RCBTB2: variants seen among roughly 807,000 people sequenced by gnomAD.
RCBTB2 encodes RCC1 and BTB domain containing protein 2.
In RCBTB2, 55 loss-of-function variants were observed where a neutral mutation model predicts 65.4. The ratio of observed to expected loss-of-function variants is 0.84; its 90% CI spans 0.68 to 1.05. The LOEUF is 1.05. RCBTB2 is among the 50% of genes least tolerant of loss of function. The probability of loss-of-function intolerance (pLI) is 0.00; values close to 1 mark genes in which losing one functional copy is unlikely to be tolerated. For missense variants in RCBTB2, 599 were observed against 680.1 expected, an observed-to-expected ratio of 0.88 and a Z score of 1.33; for synonymous variants, 220 against 255.2, an observed-to-expected ratio of 0.86 and a Z score of 1.31.
intron 4 of RCBTB2, 81 bp from the exon 5 acceptor site, chr13:48,515,822 G>T: frequency 1.5e-6 from 2 of 1,378,288 alleles, no homozygotes; most frequent in Non-Finnish European, 2.0e-6. Flanking sequence ...AGAAGAGGGC[G>T]AACACTGGTT....
intron 6 of RCBTB2, 34 bp from the exon 7 acceptor site, chr13:48,512,929 C>T (rs1950886529): frequency 4.5e-6 from 7 of 1,564,942 alleles, no homozygotes; most frequent in Non-Finnish European, 6.1e-6. Flanking sequence ...CAGTTTTTTA[C>T]AACATCTACT....
At chr13:48,494,618 T>C (rs1949891430) in intron 14 of RCBTB2, among the ~76,000 whole-genome samples, 1 of 152,016 alleles carries the variant, frequency 6.6e-6, no homozygotes, top group African/African-American at 2.4e-5. Context: ...TTCACATAAA[T>C]AGAGAATATA....
intron 1 of RCBTB2, among the ~76,000 whole-genome samples, chr13:48,529,689 C>G (rs1245666567): frequency 6.6e-6 from 1 of 152,184 alleles, no homozygotes; most frequent in Non-Finnish European, 1.5e-5. Context: ...ACAATGAAAG[C>G]TGGAAGTATC....
At chr13:48,517,145 TAGTA>T (rs1262254156) in intron 4 of RCBTB2, among the ~76,000 whole-genome samples, 1 of 152,170 alleles carries the variant, frequency 6.6e-6, no homozygotes, top group Non-Finnish European at 1.5e-5. Context: ...ACTATTAACT[TAGTA>T]AGCCTCCCCT....
At chr13:48,524,789 T>C (rs1029216616) in intron 1 of RCBTB2, 32 bp from the exon 2 acceptor site, 7 of 152,090 alleles carry the variant, frequency 4.6e-5, no homozygotes, top group African/African-American at 1.4e-4. Flanking sequence ...TAAATTCTAT[T>C]AGAGAAAAAC....
At chr13:48,493,315 A>ACACACACTCTCTCTCTCT (rs759504798) in intron 14 of RCBTB2, among the ~76,000 whole-genome samples, 1 of 75,028 alleles carries the variant, frequency 1.3e-5, no homozygotes, top group Non-Finnish European at 2.5e-5. Flanking sequence ...ACACACACAC[A>ACACACACTCTCTCTCTCT]CTCTCTCTCT....
At chr13:48,534,459 A>G (rs759199192), upstream of RCBTB2, among the ~76,000 whole-genome samples, 3 of 152,214 alleles carry the variant, frequency 2.0e-5, no homozygotes, top group Admixed American at 2.0e-4. Flanking sequence ...AGTTTCTTTC[A>G]TCAGCAACCA....
chr13:48,502,001 A>G (rs1236017799), intron 11 of RCBTB2, 133 bp from the exon 12 acceptor site: 3 of 610,350 alleles, frequency 4.9e-6, no homozygotes, highest in African/African-American at 1.9e-5. Context: ...TGAGCAATGG[A>G]TTTTTTCCCC....
At chr13:48,494,552 C>A (rs998603592) in intron 14 of RCBTB2, among the ~76,000 whole-genome samples, 2 of 152,086 alleles carry the variant, frequency 1.3e-5, no homozygotes, top group African/African-American at 4.8e-5. Context: ...CCCTGCCATG[C>A]CTCAAAGAGC....
intron 9 of RCBTB2, among the ~76,000 whole-genome samples, 179 bp from the exon 10 acceptor site, chr13:48,510,950 T>C (rs1175584992): frequency 6.6e-6 from 1 of 152,212 alleles, no homozygotes; most frequent in Non-Finnish European, 1.5e-5. Flanking sequence ...TGCAGTAAGA[T>C]TGCCATGAGT....
At chr13:48,491,400 G>A (rs9332064) in intron 14 of RCBTB2, among the ~76,000 whole-genome samples, 154 of 152,250 alleles carry the variant, frequency 1.0e-3, no homozygotes, top group African/African-American at 3.6e-3. Context: ...AATATGATGT[G>A]TCTCTGTCCC....
intron 9 of RCBTB2, 147 bp from the exon 10 acceptor site, chr13:48,510,918 TC>T: frequency 1.3e-6 from 1 of 786,000 alleles, no homozygotes; most frequent in Non-Finnish European, 2.0e-6. Context: ...CCAACATCCT[TC>T]CAGAACATGT....
In RCBTB2 at chr13:48,499,725, T is replaced by C; in HGVS notation, c.1280A>G (p.Glu427Gly). 2 of 1,614,184 alleles carry C rather than the reference T, an allele frequency of 1.2e-6. No individual in the cohort carries two copies. The highest frequency in any genetic ancestry group is 1.7e-6 in the Non-Finnish European group (2 of 1,180,020). Reference sequence around the variant, plus strand: ...TTCACTCATTTCTACAATATCATCCTCGTTATCTTCCAATGACGAACGAAA... The same window carrying C: ...TTCACTCATTTCTACAATATCATCCCCGTTATCTTCCAATGACGAACGAAA... ...EHFRSSLEDN[E>G]DDIVEMSEFS... Residue 427 changes from glutamate (E) to glycine (G), a missense_variant, in exon 13 of 15, where the codon GAG (glutamate) becomes GGG (glycine). Physicochemically the swap from Glu to Gly is moderately conservative, Grantham distance 98 (BLOSUM62 -2). Coordinates refer to ENST00000344532, the MANE Select transcript of RCBTB2 (RefSeq NM_001268.4).
In RCBTB2 at chr13:48,511,764, A is replaced by G. The variant is rs748459132; in HGVS notation, c.783+6T>C. Reference sequence around the variant, plus strand: ...ATACACGCACACAAACTGACAGTGGACGTACCCTCTGGACACGGATGCCTT... The same window carrying G: ...ATACACGCACACAAACTGACAGTGGGCGTACCCTCTGGACACGGATGCCTT... On this transcript the variant is annotated splice_donor_region_variant and intron_variant, in intron 9 of 14. Coordinates refer to ENST00000344532, the MANE Select transcript of RCBTB2 (RefSeq NM_001268.4). 6.2e-7 allele frequency: 1 copy of G among 1,612,092 alleles called. No homozygotes were observed. The highest frequency in any genetic ancestry group is 1.3e-5 in the African/African-American group (1 of 74,846).
chr13:48,506,051 G>A (rs1430615388), intron 10 of RCBTB2, among the ~76,000 whole-genome samples: 3 of 152,228 alleles, frequency 2.0e-5, no homozygotes, highest in Non-Finnish European at 2.9e-5. Context: ...AATACCTGGG[G>A]GCTCCTCAGG....
At chr13:48,522,048 G>A (rs1422894524) in intron 3 of RCBTB2, 86 bp from the exon 4 acceptor site, 7 of 1,126,740 alleles carry the variant, frequency 6.2e-6, no homozygotes, top group Non-Finnish European at 9.1e-6. Flanking sequence ...CTAATTAGCA[G>A]GGAAAATAAG....
At chr13:48,505,254 ATGTC>A (rs1292305485) in intron 10 of RCBTB2, among the ~76,000 whole-genome samples, 5 of 152,212 alleles carry the variant, frequency 3.3e-5, no homozygotes, top group Non-Finnish European at 5.9e-5. Context: ...ACCAGGCACA[ATGTC>A]TGGGTGCAAA....
chr13:48,530,191 C>T (rs949270036), intron 1 of RCBTB2, among the ~76,000 whole-genome samples: 16 of 152,126 alleles, frequency 1.1e-4, no homozygotes, highest in Admixed American at 6.5e-4. Context: ...TGAGCCACCG[C>T]GCCCGGCCTG....
Position 48,512,044 on chromosome 13 carries a change from CACATCTGCCCACATGCT to C in RCBTB2, c.630_646del (p.Ile210MetfsTer60). On this transcript the variant is annotated frameshift_variant, in exon 8 of 15. Transcript: ENST00000344532. LOFTEE classifies it high-confidence loss of function. ...CCCCGTGTCTACTACTGCCATGCAG[CACATCTGCCCACATGCT>C]ATGGTCACAACTACTTTATTTTGTA... 6.2e-7 allele frequency: 1 copy of C among 1,614,160 alleles called. No homozygotes were observed. The highest frequency in any genetic ancestry group is 1.3e-5 in the African/African-American group (1 of 75,066).
Sources: allele counts gnomAD v4.1 joint callset (sites outside exome capture counted in the v4.1 genomes callset), GRCh38; gene constraint gnomAD v4.1.1; transcripts MANE v1.5; gene names NCBI Gene and HGNC (gene_info 2026-07-23, HGNC 2026-07-21).